TMEM74: variants seen among roughly 807,000 people sequenced by gnomAD.
The protein encoded by TMEM74 is transmembrane protein 74.
TMEM74 carries 13 observed loss-of-function variants against 18.1 expected under a neutral mutation model. That is an observed-to-expected ratio of 0.72 (90% CI 0.47 to 1.14). The LOEUF (loss-of-function observed/expected upper bound fraction) is 1.14, where lower values mean the gene tolerates loss of function less well. Ranked by LOEUF, TMEM74 falls within the 50% of genes most tolerant of loss-of-function variation. The pLI is 0.00. For synonymous variants in TMEM74, 159 were observed against 146.6 expected, an observed-to-expected ratio of 1.08 and a Z score of -0.61; for missense variants, 372 against 375.9, an observed-to-expected ratio of 0.99 and a Z score of 0.09.
intron 1 of TMEM74, among the ~76,000 whole-genome samples, chr8:108,768,157 C>G (rs1157523151): frequency 6.6e-6 from 1 of 152,158 alleles, no homozygotes; most frequent in African/African-American, 2.4e-5. Flanking sequence ...AGACCTCAAA[C>G]TCAACATATC....
chr8:108,680,914 C>A (rs1813107263), intron 1 of TMEM74, among the ~76,000 whole-genome samples: 1 of 152,096 alleles, frequency 6.6e-6, no homozygotes, highest in Admixed American at 6.6e-5. Flanking sequence ...CTCCCATTCA[C>A]AATTGCTTGA....
chr8:108,613,334 A>G (rs1485400200), intron 2 of TMEM74, among the ~76,000 whole-genome samples: 2 of 152,198 alleles, frequency 1.3e-5, no homozygotes, highest in African/African-American at 4.8e-5. Flanking sequence ...CACCCTGCCA[A>G]ACCTCTGGGT....
chr8:108,714,046 C>T (rs1033866737), intron 1 of TMEM74, among the ~76,000 whole-genome samples: 3 of 152,180 alleles, frequency 2.0e-5, no homozygotes, highest in African/African-American at 7.2e-5. Context: ...CCTCCAGACC[C>T]CCAGCAGATT....
chr8:108,614,056 G>A (rs1463531602), intron 2 of TMEM74, among the ~76,000 whole-genome samples: 2 of 148,272 alleles, frequency 1.3e-5, no homozygotes, highest in East Asian at 1.9e-4. Flanking sequence ...TTTTTGTATG[G>A]GGTATTTTTT....
chr8:108,695,979 C>T (rs542777577), intron 1 of TMEM74, among the ~76,000 whole-genome samples: 20 of 152,284 alleles, frequency 1.3e-4, no homozygotes, highest in Middle Eastern at 6.8e-3. Flanking sequence ...TTATCACCTA[C>T]TCCGAATAAT....
At chr8:108,759,802 T>C (rs1410228981) in intron 1 of TMEM74, among the ~76,000 whole-genome samples, 1 of 152,170 alleles carries the variant, frequency 6.6e-6, no homozygotes, top group Non-Finnish European at 1.5e-5. Context: ...TCATGGTATA[T>C]GCTTTGTACA....
At chr8:108,630,368 A>G (rs1812538734) in intron 2 of TMEM74, among the ~76,000 whole-genome samples, 2 of 152,094 alleles carry the variant, frequency 1.3e-5, no homozygotes, top group Admixed American at 6.6e-5. Context: ...AGACTCCCAC[A>G]CAATAATAGT....
At chr8:108,721,611 A>G (rs1265245683) in intron 1 of TMEM74, among the ~76,000 whole-genome samples, 1 of 152,268 alleles carries the variant, frequency 6.6e-6, no homozygotes, top group Non-Finnish European at 1.5e-5. Flanking sequence ...ACTTTGTGAC[A>G]TATCAGACTG....
chr8:108,707,089 A>G (rs1586268294), intron 1 of TMEM74, among the ~76,000 whole-genome samples: 1 of 151,760 alleles, frequency 6.6e-6, no homozygotes, highest in African/African-American at 2.4e-5. Context: ...ACAAGGACAG[A>G]AAACCAAACA....
In TMEM74 at chr8:108,779,407, G is replaced by A. The variant is rs1202883791; in HGVS notation, c.*4774C>T. 6.6e-6 allele frequency among the ~76,000 whole-genome samples: 1 copy of A among 152,116 alleles called. No individual in the cohort carries two copies. The highest frequency in any genetic ancestry group is 1.5e-5 in the Non-Finnish European group (1 of 68,000). On this transcript the variant is annotated 3_prime_UTR_variant, in exon 2 of 2. Transcript: ENST00000297459. ...GGAGAGCTGTTCCTGAAACACAGGA[G>A]AGTTACCCAAATTTGAAACAAAGGA...
intron 1 of TMEM74, among the ~76,000 whole-genome samples, chr8:108,744,599 G>C (rs1211735525): frequency 6.6e-6 from 1 of 152,150 alleles, no homozygotes; most frequent in East Asian, 1.9e-4. Flanking sequence ...GAAGACAAAA[G>C]GGAGTGAAAG....
At chr8:108,776,642 G>A (rs900844846), downstream of TMEM74, among the ~76,000 whole-genome samples, 5 of 152,028 alleles carry the variant, frequency 3.3e-5, no homozygotes, top group Admixed American at 6.5e-5. Context: ...TTGTTTTTCC[G>A]TTCATGAAGG....
intron 1 of TMEM74, among the ~76,000 whole-genome samples, chr8:108,676,582 G>A (rs559239598): frequency 6.6e-6 from 1 of 152,100 alleles, no homozygotes; most frequent in African/African-American, 2.4e-5. Flanking sequence ...TCCTTCCATT[G>A]ACCACCCTGC....
At chr8:108,774,756 ATTTTTTTT>A (rs71305916), downstream of TMEM74, among the ~76,000 whole-genome samples, 1 of 121,224 alleles carries the variant, frequency 8.2e-6, no homozygotes, top group Non-Finnish European at 1.7e-5. Context: ...CCTTCCTTTA[ATTTTTTTT>A]TTTTTTTTTT....
At chr8:108,739,986 C>T (rs1423158185) in intron 1 of TMEM74, among the ~76,000 whole-genome samples, 6 of 152,254 alleles carry the variant, frequency 3.9e-5, no homozygotes, top group African/African-American at 1.4e-4. Context: ...GGTAATCCAA[C>T]AGAGAAACAG....
chr8:108,734,747 A>G (rs1315084797), intron 1 of TMEM74, among the ~76,000 whole-genome samples: 1 of 152,174 alleles, frequency 6.6e-6, no homozygotes, highest in Non-Finnish European at 1.5e-5. Context: ...AAAATGCCTT[A>G]GGTTCATCCT....
intron 1 of TMEM74, among the ~76,000 whole-genome samples, chr8:108,748,995 G>A (rs536468390): frequency 1.3e-5 from 2 of 152,132 alleles, no homozygotes; most frequent in African/African-American, 4.8e-5. Flanking sequence ...GATGTGTTTT[G>A]TATGAGAATA....
intron 1 of TMEM74, among the ~76,000 whole-genome samples, chr8:108,748,757 GA>G (rs913180333): frequency 3.9e-4 from 58 of 149,968 alleles, no homozygotes; most frequent in African/African-American, 1.4e-3. Context: ...AATCCATCTT[GA>G]GTTGATTTTT....
intron 2 of TMEM74, among the ~76,000 whole-genome samples, chr8:108,627,652 C>T (rs1339896580): frequency 6.6e-6 from 1 of 151,916 alleles, no homozygotes; most frequent in African/African-American, 2.4e-5. Context: ...AATGTGGTCA[C>T]TAAAGGAATA....
Sources: allele counts gnomAD v4.1 joint callset (sites outside exome capture counted in the v4.1 genomes callset), GRCh38; gene constraint gnomAD v4.1.1; transcripts MANE v1.5; gene names NCBI Gene and HGNC (gene_info 2026-07-23, HGNC 2026-07-21).